The following RASGRP3 variants were observed in gnomAD, a reference collection of about 807,000 sequenced individuals.
RASGRP3 encodes the protein ras guanyl-releasing protein 3.
Under a neutral mutation model 82.7 loss-of-function variants are expected in RASGRP3, and 54 were observed. The observed-to-expected ratio is 0.65, with a 90% CI of 0.52 to 0.82. RASGRP3 has a LOEUF of 0.82. Among genes scored for constraint, RASGRP3 ranks in the 40% least tolerant of loss-of-function variants. RASGRP3 has a pLI of 0.00. For synonymous variants in RASGRP3, 309 were observed against 300.5 expected, an observed-to-expected ratio of 1.03 and a Z score of -0.29; for missense variants, 861 against 828.9, an observed-to-expected ratio of 1.04 and a Z score of -0.48.
Position 33,482,658 on chromosome 2 carries a change from T to C in RASGRP3, c.-261+5951T>C, listed in dbSNP as rs538443111. The C allele has an allele frequency of 2.6e-5, 4 of 152,310 alleles. 1 individual carries two copies. The South Asian group carries it at 8.3e-4, about 32-fold the overall frequency. The allele number at this position is 152,310 out of a possible 1,614,324, so 9.4% of individuals were successfully genotyped here. ...AGAGAGTCTTAACTTGCTAGAATAA[T>C]GGGGACGCTTCACTATCTGTCAGTT... On this transcript the variant is annotated intron_variant, in intron 1 of 17. Transcript: ENST00000403687.
chr2:33,492,001 C>A (rs919802427), intron 1 of RASGRP3, among the ~76,000 whole-genome samples: 1 of 152,218 alleles, frequency 6.6e-6, no homozygotes, highest in Non-Finnish European at 1.5e-5. Context: ...ATCATAGGTA[C>A]TTCTGCAAAA....
intron 1 of RASGRP3, among the ~76,000 whole-genome samples, chr2:33,504,107 C>A (rs1026969133): frequency 6.6e-5 from 10 of 152,250 alleles, no homozygotes; most frequent in African/African-American, 2.4e-4. Flanking sequence ...TGATAAATTT[C>A]TGGATTGCAA....
At chr2:33,483,529 C>A (rs1668117152) in intron 1 of RASGRP3, among the ~76,000 whole-genome samples, 1 of 141,984 alleles carries the variant, frequency 7.0e-6, no homozygotes, top group Non-Finnish European at 1.5e-5. Context: ...CACTTTGTCA[C>A]CCAGGCTGGA....
At chr2:33,486,107 A>G (rs945550521) in intron 1 of RASGRP3, among the ~76,000 whole-genome samples, 1 of 152,162 alleles carries the variant, frequency 6.6e-6, no homozygotes, top group African/African-American at 2.4e-5. Flanking sequence ...ACATATTTTC[A>G]TACAAGATGA....
At chr2:33,513,070 TA>T (rs1671089638) in intron 2 of RASGRP3, among the ~76,000 whole-genome samples, 2 of 152,214 alleles carry the variant, frequency 1.3e-5, no homozygotes, top group African/African-American at 4.8e-5. Context: ...TTAAAAGATA[TA>T]AAAAAGTTAG....
intron 1 of RASGRP3, among the ~76,000 whole-genome samples, chr2:33,442,043 G>GT (rs1386031411): frequency 6.6e-6 from 1 of 152,158 alleles, no homozygotes; most frequent in African/African-American, 2.4e-5. Context: ...TTCAGTGAAT[G>GT]TAAGAAGTCT....
chr2:33,489,395 A>G (rs938878288), intron 1 of RASGRP3, among the ~76,000 whole-genome samples: 1 of 152,170 alleles, frequency 6.6e-6, no homozygotes, highest in Non-Finnish European at 1.5e-5. Flanking sequence ...GAGATGTCAA[A>G]TGGCCAGTCC....
At chr2:33,473,929 C>T (rs1667207535), upstream of RASGRP3, among the ~76,000 whole-genome samples, 1 of 152,196 alleles carries the variant, frequency 6.6e-6, no homozygotes, top group Non-Finnish European at 1.5e-5. Context: ...CACCTCAGAT[C>T]ATCAGGCATT....
intron 2 of RASGRP3, among the ~76,000 whole-genome samples, chr2:33,460,136 C>T (rs1666278319): frequency 6.6e-6 from 1 of 152,150 alleles, no homozygotes. Context: ...AAACTGGGAA[C>T]ATTTCAAATA....
chr2:33,473,645 C>A (rs903917560), upstream of RASGRP3, among the ~76,000 whole-genome samples: 1 of 152,058 alleles, frequency 6.6e-6, no homozygotes, highest in Non-Finnish European at 1.5e-5. Flanking sequence ...TGGGATCTCC[C>A]CCATTTCTTT....
intron 2 of RASGRP3, among the ~76,000 whole-genome samples, chr2:33,469,952 G>A (rs1241659161): frequency 1.3e-5 from 2 of 152,114 alleles, no homozygotes; most frequent in African/African-American, 4.8e-5. Flanking sequence ...GTTCTTCTAT[G>A]TGTATTTCTG....
chr2:33,473,095 G>A (rs1667153597), upstream of RASGRP3, among the ~76,000 whole-genome samples: 1 of 151,962 alleles, frequency 6.6e-6, no homozygotes, highest in Non-Finnish European at 1.5e-5. Flanking sequence ...GGGGGCAGTG[G>A]CTCACGCCTG....
intron 1 of RASGRP3, among the ~76,000 whole-genome samples, chr2:33,506,811 G>T (rs1479865645): frequency 6.6e-6 from 1 of 152,134 alleles, no homozygotes; most frequent in East Asian, 1.9e-4. Context: ...ATAAATATGG[G>T]GGATTTTAGT....
chr2:33,466,679 CA>C (rs35826724), intron 2 of RASGRP3, among the ~76,000 whole-genome samples: 519 of 137,130 alleles, frequency 3.8e-3, no homozygotes, highest in African/African-American at 5.4e-3. Context: ...AACTCTGTAT[CA>C]AAAAAAAAAA....
chr2:33,533,494 C>A (rs1465509637), intron 10 of RASGRP3: 1 of 152,170 alleles, frequency 6.6e-6, no homozygotes, highest in African/African-American at 2.4e-5. Context: ...TGTACCAGGT[C>A]CTGTGTGAAA....
chr2:33,543,720 G>T, intron 13 of RASGRP3, 93 bp downstream of exon 13: 1 of 875,226 alleles, frequency 1.1e-6, no homozygotes, highest in South Asian at 1.7e-5. Flanking sequence ...TTTGCATCTT[G>T]ACAGCTTCAA....
At chr2:33,459,414 G>C (rs973810203) in intron 2 of RASGRP3, among the ~76,000 whole-genome samples, 2 of 152,186 alleles carry the variant, frequency 1.3e-5, no homozygotes, top group Non-Finnish European at 2.9e-5. Context: ...GATTACAGGC[G>C]TGAGCCACTG....
Position 33,558,780 on chromosome 2 carries a change from TAC to T in RASGRP3, c.1816_1817del (p.Gln606GlufsTer11). The T allele has an allele frequency of 6.2e-7, 1 of 1,613,918 alleles. No homozygotes were observed. The highest frequency in any genetic ancestry group is 8.5e-7 in the Non-Finnish European group (1 of 1,179,868). ...TCTTCTCGCAAGATCTCTGTGAGGC[TAC>T]AGAGGGCCACCACCAGCCAGGCCAC... On this transcript the variant is annotated frameshift_variant, in exon 17 of 18. Transcript: ENST00000403687. LOFTEE classifies it high-confidence loss of function.
At chr2:33,501,567 T>C (rs142897854) in intron 1 of RASGRP3, among the ~76,000 whole-genome samples, 96 of 152,340 alleles carry the variant, frequency 6.3e-4, no homozygotes, top group African/African-American at 2.3e-3. Flanking sequence ...GTAAAACTTG[T>C]CCAAAGTCAC....
Sources: allele counts gnomAD v4.1 joint callset (sites outside exome capture counted in the v4.1 genomes callset), GRCh38; gene constraint gnomAD v4.1.1; transcripts MANE v1.5; gene names NCBI Gene and HGNC (gene_info 2026-07-23, HGNC 2026-07-21).